Variants in MDGA2 observed in about 807,000 individuals in gnomAD.
MDGA2 encodes MAM domain-containing glycosylphosphatidylinositol anchor protein 2.
MDGA2 carries 40 observed loss-of-function variants against 117.8 expected under a neutral mutation model. That is an observed-to-expected ratio of 0.34 (90% CI 0.26 to 0.44). The LOEUF is 0.44. Ranked by LOEUF, MDGA2 falls within the 20% of genes least tolerant of loss-of-function variation. MDGA2 has a pLI of 1.00. For missense variants in MDGA2, 1,123 were observed against 1,250.6 expected, an observed-to-expected ratio of 0.90 and a Z score of 1.54; for synonymous variants, 452 against 439.0, an observed-to-expected ratio of 1.03 and a Z score of -0.37.
intron 2 of MDGA2, among the ~76,000 whole-genome samples, chr14:47,218,633 G>T (rs1886187884): frequency 6.6e-6 from 1 of 151,808 alleles, no homozygotes; most frequent in African/African-American, 2.4e-5. Flanking sequence ...TCTTTTATTT[G>T]AAATTTTCTA....
chr14:47,550,154 C>G (rs187174037), intron 1 of MDGA2, among the ~76,000 whole-genome samples: 8 of 152,266 alleles, frequency 5.3e-5, no homozygotes, highest in Non-Finnish European at 7.4e-5. Context: ...CCCCTGCCCC[C>G]ACGTCTTTCC....
At chr14:47,628,713 C>T (rs182446312) in intron 1 of MDGA2, among the ~76,000 whole-genome samples, 202 of 152,288 alleles carry the variant, frequency 1.3e-3, no homozygotes, top group African/African-American at 4.5e-3. Context: ...GGAAATATGA[C>T]GGATACTATG....
chr14:47,430,557 T>C (rs1269844048), intron 1 of MDGA2, among the ~76,000 whole-genome samples: 1 of 152,110 alleles, frequency 6.6e-6, no homozygotes, highest in African/African-American at 2.4e-5. Context: ...AAATTTATTC[T>C]CTGTGGAAAA....
intron 1 of MDGA2, among the ~76,000 whole-genome samples, chr14:47,472,499 T>A (rs1893749257): frequency 6.6e-6 from 1 of 152,196 alleles, no homozygotes; most frequent in Non-Finnish European, 1.5e-5. Context: ...TGTATTCTAA[T>A]CTTATGAGGC....
At chr14:47,315,064 AT>A (rs538031134) in intron 1 of MDGA2, among the ~76,000 whole-genome samples, 40 of 151,990 alleles carry the variant, frequency 2.6e-4, no homozygotes, top group Non-Finnish European at 5.0e-4. Context: ...GTATTTTTCA[AT>A]TTTTTTGTAC....
At chr14:47,281,942 C>G (rs1888504821) in intron 2 of MDGA2, among the ~76,000 whole-genome samples, 1 of 151,462 alleles carries the variant, frequency 6.6e-6, no homozygotes, top group African/African-American at 2.4e-5. Context: ...GTTGTCCCAG[C>G]TACTCGGGAG....
intron 3 of MDGA2, among the ~76,000 whole-genome samples, chr14:47,198,056 T>A (rs1210623902): frequency 6.6e-6 from 1 of 151,898 alleles, no homozygotes; most frequent in Non-Finnish European, 1.5e-5. Flanking sequence ...AAAAATGTAT[T>A]TTTTTTACTT....
chr14:47,531,132 C>G (rs1335543109), intron 1 of MDGA2, among the ~76,000 whole-genome samples: 1 of 152,048 alleles, frequency 6.6e-6, no homozygotes, highest in Non-Finnish European at 1.5e-5. Context: ...GTAGTCCCAG[C>G]TACTCGGGAG....
At chr14:46,842,227 G>C (rs1371026055) in intron 16 of MDGA2, among the ~76,000 whole-genome samples, 2 of 152,076 alleles carry the variant, frequency 1.3e-5, no homozygotes, top group Non-Finnish European at 1.5e-5. Context: ...TTGATAAAAA[G>C]ATTTACAGAT....
chr14:47,630,239 T>C (rs973131763), intron 1 of MDGA2, among the ~76,000 whole-genome samples: 5 of 152,178 alleles, frequency 3.3e-5, no homozygotes, highest in African/African-American at 9.7e-5. Flanking sequence ...TTCTGCAATA[T>C]ATACCTCAAA....
chr14:47,166,236 G>A lies in MDGA2; in HGVS notation c.596-21962C>T, dbSNP rs139498179. 3.5e-3 allele frequency among the ~76,000 whole-genome samples: 533 copies of A among 151,974 alleles called. 2 individuals carry two copies. The highest frequency in any genetic ancestry group is 0.011 in the African/African-American group (474 of 41,474). On this transcript the variant is annotated intron_variant, in intron 3 of 16. Transcript: ENST00000399232. ...TTTTTAGTAGAGATAGGGTTTTACC[G>A]TGTTAGCCAGGATGGTATTGATCTC...
chr14:47,344,243 G>A (rs955028970), intron 1 of MDGA2, among the ~76,000 whole-genome samples: 1 of 152,114 alleles, frequency 6.6e-6, no homozygotes, highest in African/African-American at 2.4e-5. Flanking sequence ...TCACAATGCT[G>A]TATTGTCAGG....
intron 1 of MDGA2, among the ~76,000 whole-genome samples, chr14:47,380,087 T>G (rs1279076076): frequency 2.6e-5 from 4 of 152,170 alleles, no homozygotes; most frequent in African/African-American, 9.7e-5. Context: ...ACTGCTCAAC[T>G]ACATGGAAAC....
At chr14:47,204,061 C>T (rs1446252949) in intron 3 of MDGA2, among the ~76,000 whole-genome samples, 1 of 151,932 alleles carries the variant, frequency 6.6e-6, no homozygotes, top group Non-Finnish European at 1.5e-5. Context: ...TGAGCATATA[C>T]ACAGTGAACA....
At chr14:47,263,763 C>T (rs773549440) in intron 2 of MDGA2, among the ~76,000 whole-genome samples, 5 of 152,120 alleles carry the variant, frequency 3.3e-5, no homozygotes, top group African/African-American at 1.2e-4. Flanking sequence ...TATAAGTCAA[C>T]ATTTTTAGCC....
intron 1 of MDGA2, among the ~76,000 whole-genome samples, chr14:47,320,133 G>T (rs1413640357): frequency 6.6e-6 from 1 of 152,152 alleles, no homozygotes; most frequent in East Asian, 1.9e-4. Flanking sequence ...CTTGGACTTA[G>T]AGTCTCTAGA....
chr14:47,612,212 ATAG>A lies in MDGA2; in HGVS notation c.280+62302_280+62304del, dbSNP rs1396805990. 3.6e-3 allele frequency among the ~76,000 whole-genome samples: 489 copies of A among 134,284 alleles called. 1 individual carries two copies. In the East Asian group the frequency reaches 0.037, roughly 10 times the overall value. 88.1% of individuals were successfully genotyped at this position (134,284 alleles called of 152,430 possible). On this transcript the variant is annotated intron_variant, in intron 1 of 16. Coordinates refer to ENST00000399232, the MANE Select transcript of MDGA2 (RefSeq NM_001113498.3). The stretch of plus-strand genomic sequence containing the variant: ...ATGTGATAGATAGATAGATAGACAG[ATAG>A]ATAGATAGATAGATAGATAGATAGA...
intron 1 of MDGA2, among the ~76,000 whole-genome samples, chr14:47,487,334 T>C (rs1446274911): frequency 6.6e-6 from 1 of 152,200 alleles, no homozygotes; most frequent in Non-Finnish European, 1.5e-5. Context: ...AGATTTAGTA[T>C]CTTTCCACAA....
chr14:47,316,732 T>C (rs973311885), intron 1 of MDGA2, among the ~76,000 whole-genome samples: 1 of 152,008 alleles, frequency 6.6e-6, no homozygotes, highest in Non-Finnish European at 1.5e-5. Flanking sequence ...GATTCCCTAT[T>C]ATAATCTCAA....
Sources: gnomAD v4.1 joint callset for allele counts (sites outside exome capture counted in the v4.1 genomes callset) on GRCh38, gnomAD v4.1.1 for gene constraint, MANE v1.5 for transcripts, NCBI Gene and HGNC (gene_info 2026-07-23, HGNC 2026-07-21) for gene names.